GRIK1: variants seen among roughly 807,000 people sequenced by gnomAD.
The protein encoded by GRIK1 is glutamate ionotropic receptor kainate type subunit 1.
Under a neutral mutation model 105.7 loss-of-function variants are expected in GRIK1, and 69 were observed. The observed-to-expected ratio is 0.65, with a 90% CI of 0.54 to 0.80. GRIK1 has a LOEUF of 0.80. Ranked by LOEUF, GRIK1 falls within the 30% of genes least tolerant of loss-of-function variation. The probability of loss-of-function intolerance (pLI) is 0.00; values close to 1 mark genes in which losing one functional copy is unlikely to be tolerated. For synonymous variants in GRIK1, 438 were observed against 431.3 expected (o/e 1.02, Z -0.19); for missense variants, 1,109 against 1,167.3 (o/e 0.95, Z 0.73).
chr21:29,766,450 G>A (rs1320212606), intron 1 of GRIK1, among the ~76,000 whole-genome samples: 1 of 152,086 alleles, frequency 6.6e-6, no homozygotes, highest in Non-Finnish European at 1.5e-5. Context: ...TTCTGTTGAG[G>A]TTGAGGAATC....
chr21:29,553,270 A>G (rs187107006), intron 16 of GRIK1: 4 of 1,030,286 alleles, frequency 3.9e-6, no homozygotes, highest in African/African-American at 3.4e-5. Context: ...AGAGTTACTT[A>G]TTTTTAATGC....
chr21:29,645,847 G>C (rs945727584), intron 6 of GRIK1, among the ~76,000 whole-genome samples: 35 of 152,094 alleles, frequency 2.3e-4, no homozygotes, highest in African/African-American at 8.0e-4. Context: ...ATTGCTCAAT[G>C]ACCCTAAGAA....
chr21:29,823,234 T>C (rs1490586266), intron 1 of GRIK1, among the ~76,000 whole-genome samples: 1 of 151,986 alleles, frequency 6.6e-6, no homozygotes, highest in East Asian at 1.9e-4. Flanking sequence ...ATTTTTATGA[T>C]AATAGGTATA....
chr21:29,748,321 T>G (rs2065096685), intron 1 of GRIK1: 1 of 152,240 alleles, frequency 6.6e-6, no homozygotes, highest in African/African-American at 2.4e-5. Flanking sequence ...AGGGGTGAAG[T>G]GGACACTCAC....
At chr21:29,834,722 T>C (rs1195284387) in intron 1 of GRIK1, among the ~76,000 whole-genome samples, 1 of 151,344 alleles carries the variant, frequency 6.6e-6, no homozygotes, top group East Asian at 1.9e-4. Flanking sequence ...TTAACATATA[T>C]TAATTGCTTA....
chr21:29,665,374 A>G (rs2063039586), intron 4 of GRIK1, among the ~76,000 whole-genome samples: 1 of 152,252 alleles, frequency 6.6e-6, no homozygotes, highest in Non-Finnish European at 1.5e-5. Context: ...TATCAGCCTG[A>G]GAGAAACATA....
intron 1 of GRIK1, among the ~76,000 whole-genome samples, chr21:29,893,040 C>T (rs2069962383): frequency 6.6e-6 from 1 of 152,170 alleles, no homozygotes. Flanking sequence ...GGCATGGTGA[C>T]ACACGCCTAT....
At chr21:29,868,047 A>T (rs2068888070) in intron 1 of GRIK1, among the ~76,000 whole-genome samples, 1 of 151,528 alleles carries the variant, frequency 6.6e-6, no homozygotes, top group African/African-American at 2.4e-5. Context: ...GAAGGAAGGA[A>T]GGGAAGGAGA....
intron 1 of GRIK1, among the ~76,000 whole-genome samples, chr21:29,791,320 G>T (rs930495744): frequency 1.3e-5 from 2 of 151,606 alleles, no homozygotes; most frequent in Non-Finnish European, 2.9e-5. Context: ...GAGAAGAGGA[G>T]GAAAAAAAAA....
At chr21:29,881,629 T>C (rs1298126339) in intron 1 of GRIK1, among the ~76,000 whole-genome samples, 1 of 152,142 alleles carries the variant, frequency 6.6e-6, no homozygotes, top group East Asian at 1.9e-4. Flanking sequence ...GGTTAAGGCA[T>C]GAGTAGAAGG....
intron 2 of GRIK1, among the ~76,000 whole-genome samples, chr21:29,691,201 C>T (rs962109728): frequency 5.9e-5 from 9 of 152,012 alleles, no homozygotes; most frequent in South Asian, 2.1e-4. Flanking sequence ...GTCCCAACTA[C>T]TTGGGTGGCT....
intron 1 of GRIK1, among the ~76,000 whole-genome samples, chr21:29,874,931 A>G (rs2069138677): frequency 6.6e-6 from 1 of 151,520 alleles, no homozygotes; most frequent in African/African-American, 2.4e-5. Flanking sequence ...CAAAATGACT[A>G]TTTATTAAGA....
intron 4 of GRIK1, among the ~76,000 whole-genome samples, chr21:29,665,562 A>G (rs2063043361): frequency 6.6e-6 from 1 of 152,242 alleles, no homozygotes; most frequent in East Asian, 1.9e-4. Flanking sequence ...GAAAGAATGA[A>G]CTGCTTAATT....
intron 4 of GRIK1, among the ~76,000 whole-genome samples, chr21:29,663,195 TAGG>T (rs2062999296): frequency 1.3e-5 from 2 of 152,310 alleles, no homozygotes; most frequent in South Asian, 4.1e-4. Context: ...TAATTGATAA[TAGG>T]AGGTGCAAGT....
chr21:29,600,016 G>A (rs2061490150), intron 7 of GRIK1, among the ~76,000 whole-genome samples: 1 of 152,094 alleles, frequency 6.6e-6, no homozygotes, highest in Admixed American at 6.5e-5. Flanking sequence ...AACCCCAGAG[G>A]CAGAGGTTGC....
At chr21:29,729,049 G>GT (rs1344542519) in intron 1 of GRIK1, among the ~76,000 whole-genome samples, 2 of 152,070 alleles carry the variant, frequency 1.3e-5, no homozygotes, top group Non-Finnish European at 2.9e-5. Flanking sequence ...GAACTCAGAG[G>GT]TTTTTTTCCC....
intron 1 of GRIK1, among the ~76,000 whole-genome samples, chr21:29,698,514 G>C (rs1466164958): frequency 6.6e-6 from 1 of 152,214 alleles, no homozygotes; most frequent in Non-Finnish European, 1.5e-5. Flanking sequence ...ACAGGAGGGT[G>C]AGAAACCTCA....
intron 1 of GRIK1, among the ~76,000 whole-genome samples, chr21:29,770,631 GT>G (rs1349841254): frequency 6.6e-6 from 1 of 152,198 alleles, no homozygotes; most frequent in Non-Finnish European, 1.5e-5. Context: ...AATAAATCTA[GT>G]TTACTGTTTT....
intron 1 of GRIK1, among the ~76,000 whole-genome samples, chr21:29,695,480 A>ATCTATC (rs1568985493): frequency 1.4e-4 from 19 of 139,780 alleles, no homozygotes; most frequent in African/African-American, 4.4e-4. Context: ...ATCTATCTAT[A>ATCTATC]TATATATATT....
Sources: gnomAD v4.1 joint callset for allele counts (sites outside exome capture counted in the v4.1 genomes callset) on GRCh38, gnomAD v4.1.1 for gene constraint, MANE v1.5 for transcripts, NCBI Gene and HGNC (gene_info 2026-07-23, HGNC 2026-07-21) for gene names.